The following SPOCK3 variants were observed in gnomAD, a reference collection of about 807,000 sequenced individuals.
SPOCK3 encodes testican-3.
Under a neutral mutation model 56.6 loss-of-function variants are expected in SPOCK3, and 30 were observed. That is an observed-to-expected ratio of 0.53 (90% CI 0.40 to 0.72). The LOEUF is 0.72. SPOCK3 is among the 30% of genes least tolerant of loss of function. The probability of loss-of-function intolerance (pLI) is 0.00; values close to 1 mark genes in which losing one functional copy is unlikely to be tolerated. For missense variants in SPOCK3, 527 were observed against 530.0 expected (o/e 0.99, Z 0.06); for synonymous variants, 196 against 183.3 (o/e 1.07, Z -0.56).
chr4:167,100,405 GTCTC>G (rs374831916), intron 2 of SPOCK3, among the ~76,000 whole-genome samples: 73 of 148,418 alleles, frequency 4.9e-4, no homozygotes, highest in African/African-American at 1.2e-3. Flanking sequence ...GTCTGTCTCT[GTCTC>G]TCTCTCTCTC....
At chr4:167,207,225 T>C (rs1734434093) in intron 2 of SPOCK3, among the ~76,000 whole-genome samples, 2 of 152,110 alleles carry the variant, frequency 1.3e-5, no homozygotes, top group Admixed American at 1.3e-4. Flanking sequence ...ACTGTTTATA[T>C]AATATTGTGA....
intron 2 of SPOCK3, among the ~76,000 whole-genome samples, chr4:167,097,544 T>C (rs1053788385): frequency 2.7e-4 from 41 of 151,806 alleles, no homozygotes; most frequent in Non-Finnish European, 6.0e-4. Context: ...ACAATTAATT[T>C]TTTTTAATTT....
chr4:166,944,108 C>A (rs1168206682), intron 4 of SPOCK3, among the ~76,000 whole-genome samples: 2 of 152,160 alleles, frequency 1.3e-5, no homozygotes, highest in African/African-American at 4.8e-5. Context: ...GTTTGCGCCA[C>A]TTCACTCCAG....
At chr4:167,140,149 C>T (rs1416573664) in intron 2 of SPOCK3, among the ~76,000 whole-genome samples, 4 of 152,100 alleles carry the variant, frequency 2.6e-5, no homozygotes, top group South Asian at 2.1e-4. Flanking sequence ...CCTTTGATTT[C>T]CTTCTGTGAG....
At chr4:166,766,012 A>G (rs6839056) in intron 7 of SPOCK3, among the ~76,000 whole-genome samples, 122,140 of 151,612 alleles carry the variant, frequency 0.81, 49,458 homozygotes, top group African/African-American at 0.84. Context: ...GTATAAGAAT[A>G]CTTGTGGTTT....
intron 5 of SPOCK3, among the ~76,000 whole-genome samples, chr4:166,904,222 G>A (rs1362187750): frequency 6.6e-6 from 1 of 151,748 alleles, no homozygotes; most frequent in Non-Finnish European, 1.5e-5. Flanking sequence ...TGTTTAAAAT[G>A]GGAACAATAT....
chr4:166,922,617 C>T (rs1738623906), intron 4 of SPOCK3, among the ~76,000 whole-genome samples: 2 of 152,142 alleles, frequency 1.3e-5, no homozygotes, highest in African/African-American at 4.8e-5. Context: ...CTAATACCTA[C>T]TCTTTCCTTC....
rs553960996 is a variant in SPOCK3, at chr4:167,077,269, T to TACACAC, written c.190-14738_190-14733dup. Among the ~76,000 whole-genome samples the TACACAC allele has an allele frequency of 8.7e-5, 13 of 149,616 alleles. No homozygotes were observed. In the East Asian group the frequency reaches 1.2e-3, roughly 14 times the overall value. On this transcript the variant is annotated intron_variant, in intron 2 of 10. Transcript: ENST00000357545. ...GTTTTCAAAGGATAATCATTCTACA[T>TACACAC]ACACACACACACACACACATCAAAA...
intron 4 of SPOCK3, among the ~76,000 whole-genome samples, chr4:166,970,618 G>A (rs1745268260): frequency 6.6e-6 from 1 of 152,014 alleles, no homozygotes; most frequent in African/African-American, 2.4e-5. Context: ...CAGCTACTTG[G>A]GAGGCTGAGG....
chr4:167,021,130 GA>G (rs1175625458), intron 3 of SPOCK3, among the ~76,000 whole-genome samples: 1 of 151,852 alleles, frequency 6.6e-6, no homozygotes, highest in Non-Finnish European at 1.5e-5. Context: ...ACTGGACCTT[GA>G]AAAAACTTAA....
chr4:166,820,743 G>C (rs554886526), intron 6 of SPOCK3, among the ~76,000 whole-genome samples: 6 of 152,004 alleles, frequency 3.9e-5, no homozygotes, highest in Admixed American at 2.6e-4. Context: ...AGGATCGCTG[G>C]AGCCTGTGAG....
At chr4:166,840,117 T>C (rs374575059) in intron 6 of SPOCK3, among the ~76,000 whole-genome samples, 1 of 152,192 alleles carries the variant, frequency 6.6e-6, no homozygotes, top group East Asian at 1.9e-4. Context: ...ATATCTTCAG[T>C]AGGAAAAAGT....
chr4:166,746,089 G>C lies in SPOCK3; in HGVS notation c.932-4030C>G, dbSNP rs143975908. Among the ~76,000 whole-genome samples the C allele has an allele frequency of 3.3e-3, 498 of 152,250 alleles. 3 individuals are homozygous for C. The highest frequency in any genetic ancestry group is 0.011 in the African/African-American group (456 of 41,548). ...ATTAGACAGATCAATGACACAGAAA[G>C]TTAACAAAGATATCCAGGCCTTGAA... On this transcript the variant is annotated intron_variant, in intron 8 of 10. Coordinates refer to ENST00000357545, the MANE Select transcript of SPOCK3 (RefSeq NM_001040159.2).
At chr4:167,201,861 A>G (rs1733550827) in intron 2 of SPOCK3, among the ~76,000 whole-genome samples, 1 of 152,018 alleles carries the variant, frequency 6.6e-6, no homozygotes, top group Non-Finnish European at 1.5e-5. Context: ...CCTTTCTAGA[A>G]TAAACCAAAC....
intron 2 of SPOCK3, among the ~76,000 whole-genome samples, chr4:167,187,111 G>C (rs890162192): frequency 6.6e-6 from 1 of 151,950 alleles, no homozygotes; most frequent in Non-Finnish European, 1.5e-5. Context: ...AGAGTTGCAA[G>C]GATCATATTC....
chr4:167,013,062 A>G (rs1750247610), intron 3 of SPOCK3, among the ~76,000 whole-genome samples: 1 of 152,010 alleles, frequency 6.6e-6, no homozygotes, highest in African/African-American at 2.4e-5. Context: ...CTTCAGTTGT[A>G]TAAAATCCAT....
intron 3 of SPOCK3, among the ~76,000 whole-genome samples, chr4:167,057,825 C>T (rs139458321): frequency 0.024 from 3,687 of 152,196 alleles, 78 homozygotes; most frequent in Middle Eastern, 0.061. Flanking sequence ...TAGACTCCCA[C>T]ACAATAATAA....
intron 4 of SPOCK3, among the ~76,000 whole-genome samples, chr4:166,991,337 G>A (rs1416425583): frequency 1.7e-5 from 2 of 116,286 alleles, no homozygotes; most frequent in African/African-American, 6.3e-5. Context: ...GTGACTTTTT[G>A]TTTTTATATT....
chr4:166,952,020 C>T (rs1742705213), intron 4 of SPOCK3, among the ~76,000 whole-genome samples: 1 of 152,138 alleles, frequency 6.6e-6, no homozygotes, highest in Non-Finnish European at 1.5e-5. Context: ...TGAAAACTGG[C>T]ACAAGACAGG....
Sources: gnomAD v4.1 joint callset for allele counts (sites outside exome capture counted in the v4.1 genomes callset) on GRCh38, gnomAD v4.1.1 for gene constraint, MANE v1.5 for transcripts, NCBI Gene and HGNC (gene_info 2026-07-23, HGNC 2026-07-21) for gene names.